PLCB1: variants seen among roughly 807,000 people sequenced by gnomAD.
The protein encoded by PLCB1 is 1-phosphatidylinositol 4,5-bisphosphate phosphodiesterase beta-1.
PLCB1 carries 46 observed loss-of-function variants against 161.8 expected under a neutral mutation model. The ratio of observed to expected loss-of-function variants is 0.28; its 90% CI spans 0.22 to 0.36. PLCB1 has a LOEUF of 0.36. Among genes scored for constraint, PLCB1 ranks in the 10% least tolerant of loss-of-function variants. PLCB1 has a pLI of 1.00. For synonymous variants in PLCB1, 517 were observed against 503.7 expected (o/e 1.03, Z -0.35); for missense variants, 1,016 against 1,472.5 (o/e 0.69, Z 5.07).
chr20:8,821,351 C>T (rs1229048668), intron 31 of PLCB1, among the ~76,000 whole-genome samples: 6 of 149,754 alleles, frequency 4.0e-5, no homozygotes, highest in African/African-American at 9.8e-5. Context: ...TGGTGGCCTG[C>T]GTCTGTATCC....
At chr20:8,210,106 G>T (rs1327564289) in intron 2 of PLCB1, among the ~76,000 whole-genome samples, 2 of 151,976 alleles carry the variant, frequency 1.3e-5, no homozygotes, top group East Asian at 3.9e-4. Flanking sequence ...TATTTTTAAT[G>T]TGAAAAGTGT....
At chr20:8,570,696 C>T (rs917713167) in intron 3 of PLCB1, among the ~76,000 whole-genome samples, 14 of 88,734 alleles carry the variant, frequency 1.6e-4, no homozygotes, top group Non-Finnish European at 3.6e-4. Context: ...CCTGATCTCA[C>T]GGAGCTGAAA....
intron 3 of PLCB1, among the ~76,000 whole-genome samples, chr20:8,536,787 C>T (rs1169583229): frequency 1.3e-5 from 2 of 152,084 alleles, no homozygotes; most frequent in Non-Finnish European, 2.9e-5. Context: ...CAACACAATC[C>T]CAAGCCAGCA....
intron 3 of PLCB1, among the ~76,000 whole-genome samples, chr20:8,466,697 T>C (rs184872527): frequency 4.6e-5 from 7 of 152,270 alleles, no homozygotes; most frequent in Admixed American, 3.9e-4. Flanking sequence ...ACTATTAAGT[T>C]TATTGTTTGT....
intron 31 of PLCB1, among the ~76,000 whole-genome samples, chr20:8,868,473 A>G (rs373845343): frequency 5.5e-4 from 84 of 152,356 alleles, no homozygotes; most frequent in African/African-American, 1.9e-3. Flanking sequence ...AATCCTAAAC[A>G]TGAAAGGAAA....
chr20:8,786,355 A>T (rs1334786820), intron 27 of PLCB1, among the ~76,000 whole-genome samples: 2 of 152,232 alleles, frequency 1.3e-5, no homozygotes, highest in Admixed American at 6.5e-5. Context: ...AATTGTGATA[A>T]TCATGATTAG....
intron 3 of PLCB1, among the ~76,000 whole-genome samples, chr20:8,410,960 C>T (rs1456202280): frequency 6.6e-6 from 1 of 152,154 alleles, no homozygotes; most frequent in African/African-American, 2.4e-5. Flanking sequence ...GAGGCAGGGA[C>T]CTGAATCTCC....
intron 2 of PLCB1, among the ~76,000 whole-genome samples, chr20:8,271,608 GCTGGGT>G (rs1482179190): frequency 3.3e-5 from 5 of 152,046 alleles, no homozygotes; most frequent in African/African-American, 1.2e-4. Context: ...ATATATAATA[GCTGGGT>G]CATAAGAGAG....
chr20:8,161,675 G>C (rs750179925), intron 2 of PLCB1, among the ~76,000 whole-genome samples: 1 of 152,118 alleles, frequency 6.6e-6, no homozygotes, highest in Non-Finnish European at 1.5e-5. Context: ...TCTCAAGTTG[G>C]GCTGCACAAT....
chr20:8,546,054 T>C (rs113191364), intron 3 of PLCB1, among the ~76,000 whole-genome samples: 27 of 152,212 alleles, frequency 1.8e-4, no homozygotes, highest in Non-Finnish European at 2.9e-4. Context: ...CGGTGGCTCA[T>C]GCCTGTAATC....
chr20:8,804,970 C>T (rs1186451239), intron 31 of PLCB1, among the ~76,000 whole-genome samples: 6 of 137,870 alleles, frequency 4.4e-5, no homozygotes, highest in Non-Finnish European at 7.6e-5. Context: ...CATTGCACTC[C>T]AGCCTGGGCA....
intron 3 of PLCB1, among the ~76,000 whole-genome samples, chr20:8,540,314 A>G (rs1474585496): frequency 6.6e-6 from 1 of 151,814 alleles, no homozygotes; most frequent in Admixed American, 6.6e-5. Context: ...TCTTTTTTTT[A>G]CTTTTCTGAC....
rs1291008489 is a variant in PLCB1, at chr20:8,821,539, A to G, written c.3423+31278A>G. On this transcript the variant is annotated intron_variant, in intron 31 of 31. Coordinates refer to ENST00000338037, the MANE Select transcript of PLCB1 (RefSeq NM_015192.4). ...TATATATATATATATATATATATATATATATATATATATATATATTTAAAT... is the reference window on the plus strand; with the variant it reads ...TATATATATATATATATATATATATGTATATATATATATATATATTTAAAT... 3.0e-5 allele frequency among the ~76,000 whole-genome samples: 3 copies of G among 101,574 alleles called. 1 individual carries two copies. The highest frequency in any genetic ancestry group is 7.4e-4 in the South Asian group (2 of 2,698). 66.6% of individuals were successfully genotyped at this position (101,574 alleles called of 152,430 possible). A position where few individuals can be genotyped will look rare whatever the true frequency, so the allele number is the denominator to read the frequency against.
intron 2 of PLCB1, among the ~76,000 whole-genome samples, chr20:8,207,985 G>A (rs1434808667): frequency 2.0e-5 from 3 of 152,108 alleles, no homozygotes; most frequent in Non-Finnish European, 4.4e-5. Flanking sequence ...ATGTTCATAT[G>A]GGGTATCTGC....
chr20:8,678,400 G>C (rs4816073), intron 9 of PLCB1, among the ~76,000 whole-genome samples: 2 of 152,150 alleles, frequency 1.3e-5, no homozygotes, highest in East Asian at 1.9e-4. Context: ...CAATACATGC[G>C]TATTATTTTG....
At chr20:8,693,271 A>G (rs73080022) in intron 10 of PLCB1, among the ~76,000 whole-genome samples, 11,522 of 152,152 alleles carry the variant, frequency 0.076, 527 homozygotes, top group African/African-American at 0.12. Flanking sequence ...ACTTGAAGTC[A>G]TTTTCTTAAG....
chr20:8,229,625 C>A (rs1199943873), intron 2 of PLCB1, among the ~76,000 whole-genome samples: 1 of 152,136 alleles, frequency 6.6e-6, no homozygotes, highest in Non-Finnish European at 1.5e-5. Context: ...ACATTTCCAT[C>A]ATCGCAGAAA....
At chr20:8,858,521 T>C (rs538419253) in intron 31 of PLCB1, among the ~76,000 whole-genome samples, 2 of 152,290 alleles carry the variant, frequency 1.3e-5, no homozygotes, top group East Asian at 3.9e-4. Context: ...GCTGCAGCAG[T>C]CCAAGTGAGA....
chr20:8,762,866 A>G (rs188824216), intron 25 of PLCB1, among the ~76,000 whole-genome samples: 80 of 152,340 alleles, frequency 5.3e-4, no homozygotes, highest in African/African-American at 1.8e-3. Flanking sequence ...TTTTCTATTC[A>G]GGTCTCTTGT....
Sources: allele counts gnomAD v4.1 joint callset (sites outside exome capture counted in the v4.1 genomes callset), GRCh38; gene constraint gnomAD v4.1.1; transcripts MANE v1.5; gene names NCBI Gene and HGNC (gene_info 2026-07-23, HGNC 2026-07-21).